GTF2E1: variants seen among roughly 807,000 people sequenced by gnomAD.
The protein encoded by GTF2E1 is general transcription factor IIE subunit 1.
A neutral mutation model predicts 34.9 loss-of-function variants in GTF2E1; 14 were observed. The observed-to-expected ratio is 0.40, with a 90% confidence interval of 0.27 to 0.63. GTF2E1 has a LOEUF of 0.63. Among genes scored for constraint, GTF2E1 ranks in the 20% least tolerant of loss-of-function variants. GTF2E1 has a pLI of 0.39. For synonymous variants in GTF2E1, 188 were observed against 192.9 expected (o/e 0.97, Z 0.21); for missense variants, 469 against 557.7 (o/e 0.84, Z 1.60).
intron 1 of GTF2E1, among the ~76,000 whole-genome samples, chr3:120,744,927 C>CTTT (rs35806612): frequency 6.8e-6 from 1 of 146,444 alleles, no homozygotes; most frequent in Non-Finnish European, 1.5e-5. Context: ...CCATTAATCA[C>CTTT]TTTTTTTTTT....
intron 1 of GTF2E1, among the ~76,000 whole-genome samples, chr3:120,745,417 T>C (rs1382192154): frequency 6.6e-6 from 1 of 152,208 alleles, no homozygotes; most frequent in Non-Finnish European, 1.5e-5. Flanking sequence ...GACCTCTCCA[T>C]GCAGGATGAG....
At position 120,781,590 on chromosome 3, in the gene GTF2E1, G is replaced by A. The variant is rs1293087373; in HGVS notation, c.*120G>A. 1.3e-5 allele frequency: 10 copies of A among 750,000 alleles called. 1 individual carries two copies. The South Asian group carries it at 1.9e-4, about 14-fold the overall frequency. The allele number at this position is 750,000 out of a possible 1,614,324, so 46.5% of individuals were successfully genotyped here. On this transcript the variant is annotated 3_prime_UTR_variant, in exon 5 of 5. Transcript: ENST00000283875. ...TTGATGTAAGCAACTGTCCATCCTT[G>A]TGCAAAGATTGATGGTAGAGAGTTT...
At chr3:120,778,944 A>AT (rs1253777540) in intron 4 of GTF2E1, among the ~76,000 whole-genome samples, 3 of 151,962 alleles carry the variant, frequency 2.0e-5, no homozygotes. Context: ...CTCTTCCTAT[A>AT]TTTTTTTGCT....
rs969011247 is a variant in GTF2E1, at chr3:120,765,144, C to T, written c.449-5584C>T. On this transcript the variant is annotated intron_variant, in intron 2 of 4. Transcript: ENST00000283875. Reference sequence around the variant, plus strand: ...CCCTCCCTCTTCTGCCACTGTCCCCCTCATCCCCACAATTAGGTCTCCATT... The same window carrying T: ...CCCTCCCTCTTCTGCCACTGTCCCCTTCATCCCCACAATTAGGTCTCCATT... Among the ~76,000 whole-genome samples the T allele has an allele frequency of 5.9e-5, 9 of 151,940 alleles. No homozygotes were observed. The South Asian group carries it at 1.7e-3, about 28-fold the overall frequency.
intron 3 of GTF2E1, among the ~76,000 whole-genome samples, chr3:120,772,979 G>A (rs1709365636): frequency 6.6e-6 from 1 of 151,978 alleles, no homozygotes; most frequent in Admixed American, 6.6e-5. Context: ...GGTGACTCCA[G>A]GGATGAAGAA....
chr3:120,778,977 A>T (rs1709424910), intron 4 of GTF2E1, among the ~76,000 whole-genome samples: 1 of 152,176 alleles, frequency 6.6e-6, no homozygotes. Context: ...TTCAGTACCC[A>T]CAATTGCTTA....
In GTF2E1 at chr3:120,781,063, T is replaced by C; in HGVS notation, c.913T>C (p.Phe305Leu). ...MKEGGIDMDA[F>L]QEREEGHAGP... Reference sequence around the variant, plus strand: ...CCCAGGGGGCATAGATATGGACGCATTTCAGGAGCGTGAGGAAGGCCATGC... The same window carrying C: ...CCCAGGGGGCATAGATATGGACGCACTTCAGGAGCGTGAGGAAGGCCATGC... Residue 305 changes from phenylalanine (F) to leucine (L), a missense_variant, in exon 5 of 5, where the codon TTT (phenylalanine) becomes CTT (leucine). Physicochemically the swap from Phe to Leu is conservative, Grantham distance 22. Transcript: ENST00000283875. The C allele has an allele frequency of 1.2e-6, 2 of 1,613,216 alleles. No individual in the cohort carries two copies. The highest frequency in any genetic ancestry group is 1.7e-6 in the Non-Finnish European group (2 of 1,179,390).
At chr3:120,762,302 T>C (rs1035384223) in intron 2 of GTF2E1, among the ~76,000 whole-genome samples, 2 of 152,186 alleles carry the variant, frequency 1.3e-5, no homozygotes, top group Non-Finnish European at 2.9e-5. Context: ...CTGTCTAATA[T>C]TGACAATGGG....
Position 120,781,667 on chromosome 3 carries a change from C to T in GTF2E1, c.*197C>T, listed in dbSNP as rs919536186. On this transcript the variant is annotated 3_prime_UTR_variant, in exon 5 of 5. Transcript: ENST00000283875. ...CAAGGTAGGGTGCTGAGAATCCTAC[C>T]CTTCCTTGCTGTCACTACAGTATTA... The T allele has an allele frequency of 1.7e-6, 1 of 583,400 alleles. No homozygotes were observed. The highest frequency in any genetic ancestry group is 3.1e-6 in the Non-Finnish European group (1 of 327,698). The allele number at this position is 583,400 out of a possible 1,614,324, so 36.1% of individuals were successfully genotyped here. A position where few individuals can be genotyped will look rare whatever the true frequency, so the allele number is the denominator to read the frequency against.
intron 2 of GTF2E1, 87 bp downstream of exon 2, chr3:120,751,087 A>G (rs2107605594): frequency 1.3e-6 from 1 of 769,236 alleles, no homozygotes; most frequent in East Asian, 2.7e-5. Flanking sequence ...TTAAACCATC[A>G]TATATATTAT....
Position 120,758,529 on chromosome 3 carries a change from G to A in GTF2E1, c.448+7529G>A, listed in dbSNP as rs868272790. On this transcript the variant is annotated intron_variant, in intron 2 of 4. Coordinates refer to ENST00000283875, the MANE Select transcript of GTF2E1 (RefSeq NM_005513.3). The stretch of plus-strand genomic sequence containing the variant: ...GTTGGTTTGCTGCACCCAACAACCC[G>A]TCATTTACGTTAGGTATTTCTCCTA... 2.6e-5 allele frequency among the ~76,000 whole-genome samples: 4 copies of A among 151,962 alleles called. No individual in the cohort carries two copies. The South Asian group carries it at 6.2e-4, about 24-fold the overall frequency.
chr3:120,749,969 G>T (rs987129419), intron 1 of GTF2E1: 1 of 152,204 alleles, frequency 6.6e-6, no homozygotes, highest in East Asian at 1.9e-4. Context: ...AAACTGTCTG[G>T]ATCTAAGTAT....
chr3:120,770,602 C>T, intron 2 of GTF2E1, 126 bp from the exon 3 acceptor site: 1 of 688,730 alleles, frequency 1.5e-6, no homozygotes, highest in South Asian at 1.7e-5. Context: ...TGGCTGTTCA[C>T]TGTGAAATTC....
At position 120,770,743 on chromosome 3, in the gene GTF2E1, C is replaced by T. The variant is rs761333018; in HGVS notation, c.464C>T (p.Thr155Ile). Residue 155 changes from threonine (T) to isoleucine (I), a missense_variant, in exon 3 of 5, where the codon ACT becomes ATT. Coordinates refer to ENST00000283875, the MANE Select transcript of GTF2E1 (RefSeq NM_005513.3). Reference sequence around the variant, plus strand: ...TTCTCTGTAGGAACTTTCCGCTGTACTTTTTGCCATACAGAGGTAGAAGAG... The same window carrying T: ...TTCTCTGTAGGAACTTTCCGCTGTATTTTTTGCCATACAGAGGTAGAAGAG... ...FDPMTGTFRCTFCHTEVEEDE... is the reference protein window; with the variant it reads ...FDPMTGTFRCIFCHTEVEEDE... The T allele has an allele frequency of 1.9e-6, 3 of 1,613,078 alleles. No individual in the cohort carries two copies. The South Asian group carries it at 3.3e-5, about 18-fold the overall frequency.
chr3:120,769,011 C>T (rs921971884), intron 2 of GTF2E1, among the ~76,000 whole-genome samples: 1 of 152,086 alleles, frequency 6.6e-6, no homozygotes, highest in Non-Finnish European at 1.5e-5. Context: ...CTTCTTCTCA[C>T]TCTCCTTAAT....
intron 1 of GTF2E1, among the ~76,000 whole-genome samples, chr3:120,749,586 G>C (rs1051559442): frequency 2.6e-5 from 4 of 152,246 alleles, no homozygotes; most frequent in African/African-American, 7.2e-5. Context: ...AACCAGCCTT[G>C]CATCCCAGGG....
At chr3:120,754,251 A>T (rs1175461406) in intron 2 of GTF2E1, among the ~76,000 whole-genome samples, 1 of 152,134 alleles carries the variant, frequency 6.6e-6, no homozygotes, top group African/African-American at 2.4e-5. Context: ...ATAGCTTTAT[A>T]TTTTCCATTT....
chr3:120,750,481 G>T, intron 1 of GTF2E1, 42 bp from the exon 2 acceptor site: 4 of 1,203,076 alleles, frequency 3.3e-6, no homozygotes, highest in Non-Finnish European at 4.8e-6. Context: ...TGATTACCAT[G>T]TTCTTATACC....
intron 2 of GTF2E1, among the ~76,000 whole-genome samples, chr3:120,756,234 A>T (rs1014854558): frequency 6.6e-6 from 1 of 152,222 alleles, no homozygotes; most frequent in Non-Finnish European, 1.5e-5. Context: ...CCAACAGTGT[A>T]CGACAGTTCC....
Sources: gnomAD v4.1 joint callset for allele counts (sites outside exome capture counted in the v4.1 genomes callset) on GRCh38, gnomAD v4.1.1 for gene constraint, MANE v1.5 for transcripts, NCBI Gene and HGNC (gene_info 2026-07-23, HGNC 2026-07-21) for gene names.